ZKSCAN2: variants seen among roughly 807,000 people sequenced by gnomAD.
ZKSCAN2 encodes zinc finger with KRAB and SCAN domains 2.
In ZKSCAN2, 38 loss-of-function variants were observed where a neutral mutation model predicts 90.5. That is an observed-to-expected ratio of 0.42 (90% CI 0.32 to 0.55). The LOEUF is 0.55. Among genes scored for constraint, ZKSCAN2 ranks in the 20% least tolerant of loss-of-function variants. The pLI is 0.11. For missense variants in ZKSCAN2, 1,167 were observed against 1,202.6 expected, an observed-to-expected ratio of 0.97 and a Z score of 0.44; for synonymous variants, 429 against 421.6, an observed-to-expected ratio of 1.02 and a Z score of -0.22.
In ZKSCAN2 at chr16:25,244,135, A is replaced by C; in HGVS notation, c.1631T>G (p.Leu544Arg). The C allele has an allele frequency of 6.2e-7, 1 of 1,614,080 alleles. No homozygotes were observed. The highest frequency in any genetic ancestry group is 1.1e-5 in the South Asian group (1 of 91,082). The change falls in exon 6 of 7, where the codon CTC becomes CGC. Residue 544 changes from leucine to arginine, a missense_variant. Coordinates refer to ENST00000328086, the MANE Select transcript of ZKSCAN2 (RefSeq NM_001012981.5). The part of the protein sequence containing the change: ...VAEQLRECGF[L>R]RTPEQCRTKF... Reference sequence around the variant, plus strand: ...GGTTCGGCACTGTTCTGGTGTCCGGAGGAAGCCGCACTCTCGAAGCTGTTC... The same window carrying C: ...GGTTCGGCACTGTTCTGGTGTCCGGCGGAAGCCGCACTCTCGAAGCTGTTC...
chr16:25,240,523 C>T lies in ZKSCAN2; in HGVS notation c.2197G>A (p.Gly733Arg). 6.2e-7 allele frequency: 1 copy of T among 1,614,176 alleles called. No homozygotes were observed. The highest frequency in any genetic ancestry group is 8.5e-7 in the Non-Finnish European group (1 of 1,180,028). Residue 733 changes from glycine (G) to arginine (R), a missense_variant, in exon 7 of 7, where the codon GGG (glycine) becomes AGG (arginine). Coordinates refer to ENST00000328086, the MANE Select transcript of ZKSCAN2 (RefSeq NM_001012981.5). ...GGCCTCTGATGCACAACGGCTTTCC[C>T]TAAATCTCTAGGCTGAGACATCGGC... ...GKPMSQPRDL[G>R]KAVVHQRPFV...
intron 3 of ZKSCAN2, among the ~76,000 whole-genome samples, chr16:25,252,706 G>C (rs1276875839): frequency 6.6e-6 from 1 of 152,110 alleles, no homozygotes; most frequent in Non-Finnish European, 1.5e-5. Context: ...TTGAAGTCAG[G>C]AGTTTGAGAC....
In ZKSCAN2 at chr16:25,239,022, G is replaced by A. The variant is rs756698767; in HGVS notation, c.*794C>T. 1.3e-5 allele frequency: 2 copies of A among 152,686 alleles called. No homozygotes were observed. The highest frequency in any genetic ancestry group is 3.8e-4 in the East Asian group (2 of 5,198). The allele number at this position is 152,686 out of a possible 1,614,324, so 9.5% of individuals were successfully genotyped here. A position where few individuals can be genotyped will look rare whatever the true frequency, so the allele number is the denominator to read the frequency against. On this transcript the variant is annotated 3_prime_UTR_variant, in exon 7 of 7. Coordinates refer to ENST00000328086, the MANE Select transcript of ZKSCAN2 (RefSeq NM_001012981.5). The stretch of plus-strand genomic sequence containing the variant: ...CTGAGGAGGGCATGGTAGTTCGGAA[G>A]AGGCCGGCAGGAGCACCCAGAGCAA...
Position 25,240,351 on chromosome 16 carries a change from A to T in ZKSCAN2, c.2369T>A (p.Leu790Gln). 6.2e-7 allele frequency: 1 copy of T among 1,613,904 alleles called. No individual in the cohort carries two copies. The highest frequency in any genetic ancestry group is 1.7e-4 in the Middle Eastern group (1 of 6,060). ...CGKCFGRSRS[L>Q]IRHQRIHTGE... ...TGTGTGGATTCTTTGGTGTCTGATC[A>T]GGCTCCTGCTTCTACCAAAGCACTT... is the stretch of plus-strand genomic sequence containing the variant. Residue 790 changes from leucine to glutamine, a missense_variant, in exon 7 of 7, where the codon CTG becomes CAG. Leu to Gln is a moderately radical substitution (Grantham distance 113, BLOSUM62 -2). Coordinates refer to ENST00000328086, the MANE Select transcript of ZKSCAN2 (RefSeq NM_001012981.5).
chr16:25,253,697 C>G (rs1029787493), intron 2 of ZKSCAN2, among the ~76,000 whole-genome samples: 2 of 152,216 alleles, frequency 1.3e-5, no homozygotes, highest in East Asian at 3.8e-4. Context: ...GCACAAATAG[C>G]CTTGCTATTT....
chr16:25,240,815 T>A, intron 6 of ZKSCAN2, 77 bp from the exon 7 acceptor site: 3 of 1,184,018 alleles, frequency 2.5e-6, no homozygotes, highest in Non-Finnish European at 1.2e-6. Context: ...CAAGGCTTGA[T>A]CCGCTTGCTC....
intron 1 of ZKSCAN2, 40 bp from the exon 2 acceptor site, chr16:25,255,432 G>A: frequency 6.4e-7 from 1 of 1,568,204 alleles, no homozygotes; most frequent in South Asian, 1.2e-5. Flanking sequence ...GAGTAAAACA[G>A]GCCCATATCA....
At chr16:25,242,856 A>G (rs941289777) in intron 6 of ZKSCAN2, among the ~76,000 whole-genome samples, 16 of 152,238 alleles carry the variant, frequency 1.1e-4, no homozygotes, top group African/African-American at 3.9e-4. Context: ...GAGAGAGAGA[A>G]GACTGAACTA....
rs1349766182 is a variant in ZKSCAN2 at position 25,243,817 on chromosome 16, TG to T, written c.1948del (p.Gln650ArgfsTer26). The T allele has an allele frequency of 6.2e-7, 1 of 1,614,004 alleles. No individual in the cohort carries two copies. Among genetic ancestry groups the T allele is most frequent in the South Asian group, 1.1e-5 (1 of 91,054 alleles). ...GCTCTGCAGTAGACCTGGAGGTCCC[TG>T]GAACTCTGGCTCTTGCACAATTTCC... The part of the protein sequence containing the change: ...EEEIVQEPEF[Q>X]GPPGLLQSPN... On this transcript the variant is annotated frameshift_variant, in exon 6 of 7. Coordinates refer to ENST00000328086, the MANE Select transcript of ZKSCAN2 (RefSeq NM_001012981.5). LOFTEE classifies it high-confidence loss of function.
At chr16:25,248,822 A>C (rs1288725474) in intron 4 of ZKSCAN2, among the ~76,000 whole-genome samples, 1 of 152,224 alleles carries the variant, frequency 6.6e-6, no homozygotes, top group East Asian at 1.9e-4. Flanking sequence ...TATTAAAATC[A>C]GTAGGCCAAA....
rs371790107 is a variant in ZKSCAN2 at position 25,252,467 on chromosome 16, C to T, written c.679-432G>A. ...GAATAGGGGGAAATATACTTTTATA[C>T]TCTTGTGGGGAGTATAAGTATATTT... On this transcript the variant is annotated intron_variant, in intron 3 of 6. Coordinates refer to ENST00000328086, the MANE Select transcript of ZKSCAN2 (RefSeq NM_001012981.5). 4.6e-5 allele frequency among the ~76,000 whole-genome samples: 7 copies of T among 151,880 alleles called. 1 individual carries two copies.
chr16:25,255,059 T>C (rs1963077775), intron 2 of ZKSCAN2, 147 bp downstream of exon 2: 2 of 749,618 alleles, frequency 2.7e-6, no homozygotes, highest in South Asian at 2.5e-5. Context: ...ATATTGCACA[T>C]GTTCCTAATT....
At position 25,257,288 on chromosome 16, in the gene ZKSCAN2, A is replaced by T; in HGVS notation, c.-161T>A. 2.1e-6 allele frequency: 3 copies of T among 1,444,050 alleles called. No individual in the cohort carries two copies. The highest frequency in any genetic ancestry group is 2.7e-6 in the Non-Finnish European group (3 of 1,105,394). 89.5% of individuals were successfully genotyped at this position (1,444,050 alleles called of 1,614,324 possible). ...TATTCCAGGCTGATTAATCAAATCT[A>T]TGCCAGGCCCTTGAAAAGGTGAACG... On this transcript the variant is annotated 5_prime_UTR_variant, in exon 1 of 7. Transcript: ENST00000328086.
chr16:25,255,501 A>G (rs948818096), intron 1 of ZKSCAN2, 109 bp from the exon 2 acceptor site: 21 of 1,217,578 alleles, frequency 1.7e-5, no homozygotes, highest in Middle Eastern at 2.7e-4. Context: ...AAGGAATGAA[A>G]ATTCCACTCC....
Position 25,236,960 on chromosome 16 carries a change from GC to G in ZKSCAN2, c.*2855del, listed in dbSNP as rs1475975528. 1.3e-5 allele frequency: 2 copies of G among 152,682 alleles called. No homozygotes were observed. Among genetic ancestry groups the G allele is most frequent in the East Asian group, 3.9e-4 (2 of 5,190 alleles). The allele number at this position is 152,682 out of a possible 1,614,324, so 9.5% of individuals were successfully genotyped here. A position where few individuals can be genotyped will look rare whatever the true frequency, so the allele number is the denominator to read the frequency against. Reference sequence around the variant, plus strand: ...AGGTTGGGGTAGTTGGTTGAGGTGGGCTGTAAGTTTTGTTGAACTTTCCAGC... The same window carrying G: ...AGGTTGGGGTAGTTGGTTGAGGTGGGTGTAAGTTTTGTTGAACTTTCCAGC... On this transcript the variant is annotated 3_prime_UTR_variant, in exon 7 of 7. Transcript: ENST00000328086.
At chr16:25,249,414 G>A (rs1350859705) in intron 4 of ZKSCAN2, among the ~76,000 whole-genome samples, 4 of 152,102 alleles carry the variant, frequency 2.6e-5, no homozygotes, top group Non-Finnish European at 5.9e-5. Flanking sequence ...CTCCCAAGTA[G>A]CTGGGATTAC....
chr16:25,257,837 G>T lies in ZKSCAN2; in HGVS notation c.-710C>A, dbSNP rs866795484. 6.6e-6 allele frequency: 1 copy of T among 151,888 alleles called. No homozygotes were observed. Among genetic ancestry groups the T allele is most frequent in the Non-Finnish European group, 1.5e-5 (1 of 67,940 alleles). 9.4% of individuals were successfully genotyped at this position (151,888 alleles called of 1,614,324 possible). On this transcript the variant is annotated 5_prime_UTR_variant, in exon 1 of 7. Transcript: ENST00000328086. Reference sequence around the variant, plus strand: ...GTCCACTCGGCCCGCGGAGAGCGCGGGGGGCGCTGGGAACCGCAGTCACGC... The same window carrying T: ...GTCCACTCGGCCCGCGGAGAGCGCGTGGGGCGCTGGGAACCGCAGTCACGC...
Position 25,243,023 on chromosome 16 carries a change from C to T in ZKSCAN2, c.1981+762G>A, listed in dbSNP as rs145612292. ...GTTACTAGTGACAGGCCCACGAGGG[C>T]GTAAGTCAGTGGGAAACATGCAGGT... On this transcript the variant is annotated intron_variant, in intron 6 of 6. Coordinates refer to ENST00000328086, the MANE Select transcript of ZKSCAN2 (RefSeq NM_001012981.5). 8.8e-3 allele frequency among the ~76,000 whole-genome samples: 1,341 copies of T among 152,274 alleles called. 31 individuals carry two copies. Among genetic ancestry groups the T allele is most frequent in the African/African-American group, 0.03 (1,245 of 41,554 alleles).
rs1962784497 is a variant in ZKSCAN2 at position 25,237,314 on chromosome 16, A to C, written c.*2502T>G. On this transcript the variant is annotated 3_prime_UTR_variant, in exon 7 of 7. Coordinates refer to ENST00000328086, the MANE Select transcript of ZKSCAN2 (RefSeq NM_001012981.5). The stretch of plus-strand genomic sequence containing the variant: ...GGAGACCTTCCATTTCTTCAGAACA[A>C]AGTTCATCAAATTAATGTAACACAT... The C allele has an allele frequency of 6.6e-6, 1 of 152,150 alleles. No individual in the cohort carries two copies. Among genetic ancestry groups the C allele is most frequent in the African/African-American group, 2.4e-5 (1 of 41,430 alleles). 9.4% of individuals were successfully genotyped at this position (152,150 alleles called of 1,614,324 possible). A position where few individuals can be genotyped will look rare whatever the true frequency, so the allele number is the denominator to read the frequency against.
Sources: gnomAD v4.1 joint callset for allele counts (sites outside exome capture counted in the v4.1 genomes callset) on GRCh38, gnomAD v4.1.1 for gene constraint, MANE v1.5 for transcripts, NCBI Gene and HGNC (gene_info 2026-07-23, HGNC 2026-07-21) for gene names.